Variants in ASTN2 observed in about 807,000 individuals in gnomAD.
ASTN2 encodes the protein astrotactin 2.
Under a neutral mutation model 139.8 loss-of-function variants are expected in ASTN2, and 54 were observed. The observed-to-expected ratio is 0.39, with a 90% CI of 0.31 to 0.48. ASTN2 has a LOEUF of 0.48. Among genes scored for constraint, ASTN2 ranks in the 20% least tolerant of loss-of-function variants. The pLI is 0.95. For synonymous variants in ASTN2, 756 were observed against 719.5 expected (o/e 1.05, Z -0.81); for missense variants, 1,565 against 1,725.1 (o/e 0.91, Z 1.64).
At position 117,070,138 on chromosome 9, in the gene ASTN2, C is replaced by T. The variant is rs10983502; in HGVS notation, c.1276+25906G>A. Reference sequence around the variant, plus strand: ...TTTACATTTTGGCATGATTTTGCAGCGGCTGGTACCGGTTGTTCCTTTCCG... The same window carrying T: ...TTTACATTTTGGCATGATTTTGCAGTGGCTGGTACCGGTTGTTCCTTTCCG... On this transcript the variant is annotated intron_variant, in intron 5 of 22. Transcript: ENST00000313400. Among the ~76,000 whole-genome samples, 439 of 136,536 alleles carry T rather than the reference C, an allele frequency of 3.2e-3. 1 individual carries two copies. Among genetic ancestry groups the T allele is most frequent in the East Asian group, 0.015 (68 of 4,392 alleles). 89.6% of individuals were successfully genotyped at this position (136,536 alleles called of 152,430 possible). A position where few individuals can be genotyped will look rare whatever the true frequency, so the allele number is the denominator to read the frequency against.
At position 117,253,964 on chromosome 9, in the gene ASTN2, C is replaced by T. The variant is rs541798854; in HGVS notation, c.630+37362G>A. 3.9e-5 allele frequency among the ~76,000 whole-genome samples: 6 copies of T among 152,260 alleles called. No individual in the cohort carries two copies. The East Asian group carries it at 1.2e-3, about 29-fold the overall frequency. On this transcript the variant is annotated intron_variant, in intron 2 of 22. Coordinates refer to ENST00000313400, the MANE Select transcript of ASTN2 (RefSeq NM_001365068.1). ...CAGGAAGCCTTTCTGAGTCTGAACGCTCACAGGCCTGCCTACCTCCCCAGC... is the reference window on the plus strand; with the variant it reads ...CAGGAAGCCTTTCTGAGTCTGAACGTTCACAGGCCTGCCTACCTCCCCAGC...
chr9:116,956,084 TTTTTCTTTTC>T (rs918001625), intron 10 of ASTN2, among the ~76,000 whole-genome samples: 3 of 140,690 alleles, frequency 2.1e-5, no homozygotes, highest in Non-Finnish European at 3.0e-5. Flanking sequence ...CTCTTTTTTC[TTTTTCTTTTC>T]TTTTTTTTTT....
chr9:117,307,665 C>T (rs184329166), intron 1 of ASTN2, among the ~76,000 whole-genome samples: 1 of 152,274 alleles, frequency 6.6e-6, no homozygotes, highest in South Asian at 2.1e-4. Flanking sequence ...GGCACATGGC[C>T]ACCTTCATGG....
rs540696020 is a variant in ASTN2 at position 116,464,911 on chromosome 9, A to C, written c.3498-22358T>G. On this transcript the variant is annotated intron_variant, in intron 20 of 22. Coordinates refer to ENST00000313400, the MANE Select transcript of ASTN2 (RefSeq NM_001365068.1). ...TATGCCTGATGTCTATTTTCCTAAG[A>C]AACTTGCAAAGAAGGTGCCTCTTCA... is the stretch of plus-strand genomic sequence containing the variant. Among the ~76,000 whole-genome samples the C allele has an allele frequency of 9.8e-5, 15 of 152,300 alleles. No homozygotes were observed. In the South Asian group the frequency reaches 3.1e-3, roughly 32 times the overall value.
At chr9:116,868,544 G>A (rs531891732) in intron 10 of ASTN2, among the ~76,000 whole-genome samples, 1 of 152,292 alleles carries the variant, frequency 6.6e-6, no homozygotes, top group South Asian at 2.1e-4. Flanking sequence ...CTGATTCCTG[G>A]GCCATGCATG....
chr9:116,558,066 C>T lies in ASTN2; in HGVS notation c.3355+60258G>A, dbSNP rs76381591. Reference sequence around the variant, plus strand: ...TCTTTCAGCAAATGAGTACTGTGATCCCACTATGGACCATATCCTATATCA... The same window carrying T: ...TCTTTCAGCAAATGAGTACTGTGATTCCACTATGGACCATATCCTATATCA... On this transcript the variant is annotated intron_variant, in intron 19 of 22. Coordinates refer to ENST00000313400, the MANE Select transcript of ASTN2 (RefSeq NM_001365068.1). 2.4e-3 allele frequency among the ~76,000 whole-genome samples: 370 copies of T among 152,280 alleles called. 1 individual carries two copies. Among genetic ancestry groups the T allele is most frequent in the South Asian group, 0.012 (56 of 4,826 alleles).
At chr9:116,663,706 T>C (rs1858696114) in intron 16 of ASTN2, among the ~76,000 whole-genome samples, 1 of 152,150 alleles carries the variant, frequency 6.6e-6, no homozygotes, top group African/African-American at 2.4e-5. Flanking sequence ...ATCAGTAAAA[T>C]TAATATTAAC....
chr9:117,113,473 T>C (rs1038122656), intron 4 of ASTN2, among the ~76,000 whole-genome samples: 1 of 152,078 alleles, frequency 6.6e-6, no homozygotes, highest in African/African-American at 2.4e-5. Context: ...CTGGTCAACA[T>C]GGTTAAACCC....
At chr9:117,259,303 A>G (rs568262603) in intron 2 of ASTN2, among the ~76,000 whole-genome samples, 39 of 152,304 alleles carry the variant, frequency 2.6e-4, no homozygotes, top group African/African-American at 9.4e-4. Context: ...TGTATAAGCC[A>G]AAAATAAAAT....
chr9:116,619,711 T>TC (rs1367595236), intron 18 of ASTN2, among the ~76,000 whole-genome samples: 2 of 147,916 alleles, frequency 1.4e-5, no homozygotes, highest in East Asian at 2.0e-4. Flanking sequence ...TTTTTTTTTT[T>TC]TGGAGAGACG....
intron 2 of ASTN2, among the ~76,000 whole-genome samples, chr9:117,237,350 C>T (rs1425248908): frequency 6.6e-6 from 1 of 152,122 alleles, no homozygotes; most frequent in Admixed American, 6.5e-5. Context: ...AGGGATGAAG[C>T]CTTTGGGACC....
At chr9:116,462,276 T>C (rs548993068) in intron 20 of ASTN2, among the ~76,000 whole-genome samples, 3 of 152,326 alleles carry the variant, frequency 2.0e-5, no homozygotes, top group South Asian at 4.1e-4. Context: ...GGTTTTATCA[T>C]TGTCTTCCTT....
Position 117,008,184 on chromosome 9 carries a change from T to G in ASTN2, c.1499A>C (p.Tyr500Ser). Residue 500 changes from tyrosine to serine, a missense_variant, in exon 7 of 23, where the codon TAT becomes TCT. Coordinates refer to ENST00000313400, the MANE Select transcript of ASTN2 (RefSeq NM_001365068.1). Reference sequence around the variant, plus strand: ...TGGGGAGGTGGCATTGATCTGGTAATACAGGGAAAGCTTGGCCGGGTTTAA... The same window carrying G: ...TGGGGAGGTGGCATTGATCTGGTAAGACAGGGAAAGCTTGGCCGGGTTTAA... ...DWLNPAKLSL[Y>S]YQINATSPWV... The G allele has an allele frequency of 6.2e-7, 1 of 1,611,646 alleles. No homozygotes were observed. Among genetic ancestry groups the G allele is most frequent in the Non-Finnish European group, 8.5e-7 (1 of 1,178,900 alleles).
At chr9:116,920,807 C>T (rs1834584495) in intron 10 of ASTN2, among the ~76,000 whole-genome samples, 1 of 152,154 alleles carries the variant, frequency 6.6e-6, no homozygotes, top group African/African-American at 2.4e-5. Context: ...CACTGAAGCT[C>T]CTAGAGGTTA....
intron 7 of ASTN2, among the ~76,000 whole-genome samples, chr9:116,983,093 G>A (rs188259075): frequency 5.9e-5 from 9 of 152,174 alleles, no homozygotes; most frequent in Admixed American, 5.2e-4. Context: ...TATCATCACC[G>A]GCCAGGGATG....
intron 16 of ASTN2, among the ~76,000 whole-genome samples, chr9:116,716,794 G>T (rs1341739509): frequency 6.6e-6 from 1 of 152,184 alleles, no homozygotes; most frequent in Non-Finnish European, 1.5e-5. Context: ...TTCAGAAGCA[G>T]ATTATGCTGG....
At chr9:117,037,747 T>C (rs1444856951) in intron 6 of ASTN2, among the ~76,000 whole-genome samples, 1 of 152,208 alleles carries the variant, frequency 6.6e-6, no homozygotes, top group Non-Finnish European at 1.5e-5. Context: ...TTCTGTAGAA[T>C]TTAATACTTG....
At chr9:117,324,701 T>C (rs1301117099) in intron 1 of ASTN2, among the ~76,000 whole-genome samples, 1 of 151,870 alleles carries the variant, frequency 6.6e-6, no homozygotes, top group African/African-American at 2.4e-5. Context: ...TCCCAGTACA[T>C]AGATTTGGGG....
chr9:117,247,146 C>A (rs1355750098), intron 2 of ASTN2, among the ~76,000 whole-genome samples: 1 of 152,054 alleles, frequency 6.6e-6, no homozygotes, highest in South Asian at 2.1e-4. Flanking sequence ...AAAGAAAAAT[C>A]ATAACAGAAC....
Sources: allele counts gnomAD v4.1 joint callset (sites outside exome capture counted in the v4.1 genomes callset), GRCh38; gene constraint gnomAD v4.1.1; transcripts MANE v1.5; gene names NCBI Gene and HGNC (gene_info 2026-07-23, HGNC 2026-07-21).